Variants in ZNF565 observed in about 807,000 individuals in gnomAD.
ZNF565 encodes the protein zinc finger protein 565.
A neutral mutation model predicts 39.4 loss-of-function variants in ZNF565; 27 were observed. The observed-to-expected ratio is 0.69, with a 90% CI of 0.51 to 0.95. The LOEUF (loss-of-function observed/expected upper bound fraction) is 0.95. Ranked by LOEUF, ZNF565 falls within the 40% of genes least tolerant of loss-of-function variation. ZNF565 has a pLI of 0.00. For missense variants in ZNF565, 524 were observed against 621.1 expected, an observed-to-expected ratio of 0.84 and a Z score of 1.66; for synonymous variants, 185 against 216.6, an observed-to-expected ratio of 0.85 and a Z score of 1.28.
chr19:36,219,068 A>G (rs1013680334), upstream of ZNF565, among the ~76,000 whole-genome samples: 1 of 151,990 alleles, frequency 6.6e-6, no homozygotes, highest in Non-Finnish European at 1.5e-5. Flanking sequence ...TCGGCCTCCC[A>G]AAGTGCTGGG....
chr19:36,236,273 C>T, intron 1 of ZNF565: 1 of 796,860 alleles, frequency 1.3e-6, no homozygotes, highest in South Asian at 2.2e-5. Flanking sequence ...AGTATGATAA[C>T]ATTTCCTCTC....
chr19:36,194,619 G>A (rs2145323896), intron 3 of ZNF565: 1 of 468,746 alleles, frequency 2.1e-6, no homozygotes, highest in African/African-American at 1.9e-5. Flanking sequence ...AATGTGTGGT[G>A]ATCACTCTCC....
upstream of ZNF565, among the ~76,000 whole-genome samples, chr19:36,218,536 G>T (rs1450380226): frequency 6.6e-6 from 1 of 151,776 alleles, no homozygotes; most frequent in Non-Finnish European, 1.5e-5. Context: ...CCTGATCTCG[G>T]CTCACTGCAG....
chr19:36,197,396 C>T (rs746704313), intron 2 of ZNF565, among the ~76,000 whole-genome samples: 13 of 151,978 alleles, frequency 8.6e-5, no homozygotes, highest in Admixed American at 5.3e-4. Context: ...CGCTTGAACC[C>T]GCGAGGTGGA....
chr19:36,198,723 A>G (rs1016146501), intron 2 of ZNF565, among the ~76,000 whole-genome samples: 12 of 151,716 alleles, frequency 7.9e-5, no homozygotes. Context: ...CTCAGTCTCC[A>G]GAGTAGCTGG....
At chr19:36,235,081 C>T (rs904020072) in intron 1 of ZNF565, among the ~76,000 whole-genome samples, 5 of 151,872 alleles carry the variant, frequency 3.3e-5, no homozygotes, top group Non-Finnish European at 7.4e-5. Context: ...TGGTGGTGCA[C>T]ACCTGTAATC....
intron 1 of ZNF565, among the ~76,000 whole-genome samples, chr19:36,221,927 CTTTTTTTTTT>C (rs60347994): frequency 5.5e-5 from 6 of 109,906 alleles, no homozygotes; most frequent in South Asian, 3.1e-4. Context: ...TTTTTTCTTT[CTTTTTTTTTT>C]TTTTTTTTTT....
chr19:36,195,939 A>ATTT (rs112487353), intron 2 of ZNF565, among the ~76,000 whole-genome samples: 3 of 141,502 alleles, frequency 2.1e-5, no homozygotes, highest in African/African-American at 2.6e-5. Flanking sequence ...AAGATGAAGA[A>ATTT]TTTTTTTTTT....
intron 1 of ZNF565, chr19:36,236,463 G>T (rs2070132): frequency 1.9e-6 from 3 of 1,607,686 alleles, no homozygotes; most frequent in Non-Finnish European, 2.5e-6. Context: ...AGCCAGCAGA[G>T]AATTTACAGT....
At chr19:36,222,283 A>G (rs1976880933) in intron 1 of ZNF565, among the ~76,000 whole-genome samples, 1 of 152,188 alleles carries the variant, frequency 6.6e-6, no homozygotes, top group African/African-American at 2.4e-5. Context: ...TGCTGTATAA[A>G]TAAGATGTCA....
intron 1 of ZNF565, among the ~76,000 whole-genome samples, chr19:36,233,805 C>G (rs1226754587): frequency 6.6e-6 from 1 of 152,210 alleles, no homozygotes; most frequent in Non-Finnish European, 1.5e-5. Context: ...CAGCTTTACA[C>G]GGAGACATTC....
At chr19:36,197,508 G>A (rs1488558096) in intron 2 of ZNF565, among the ~76,000 whole-genome samples, 3 of 150,332 alleles carry the variant, frequency 2.0e-5, no homozygotes, top group Non-Finnish European at 4.4e-5. Context: ...AATGAAAGAA[G>A]GAAGAGAGAA....
At chr19:36,208,315 C>G (rs1976233337) in intron 1 of ZNF565, among the ~76,000 whole-genome samples, 2 of 151,584 alleles carry the variant, frequency 1.3e-5, no homozygotes, top group Admixed American at 1.3e-4. Flanking sequence ...GATTCTCCCA[C>G]TTCAGCCTCC....
In ZNF565 at chr19:36,211,999, T is replaced by C. The variant is rs139007906; in HGVS notation, c.-66+2623A>G. On this transcript the variant is annotated intron_variant, in intron 1 of 4. Coordinates refer to ENST00000304116, the MANE Select transcript of ZNF565 (RefSeq NM_152477.5). ...TTCTTCACAAGACATGTATCAATTATAATGGGAAAAACAGTGACTTTGCAG... is the reference window on the plus strand; with the variant it reads ...TTCTTCACAAGACATGTATCAATTACAATGGGAAAAACAGTGACTTTGCAG... Among the ~76,000 whole-genome samples, 38 of 152,264 alleles carry C rather than the reference T, an allele frequency of 2.5e-4. 1 individual carries two copies. The East Asian group carries it at 7.3e-3, about 29-fold the overall frequency.
At chr19:36,189,683 T>G (rs1975455397) in intron 4 of ZNF565, among the ~76,000 whole-genome samples, 1 of 152,136 alleles carries the variant, frequency 6.6e-6, no homozygotes, top group Admixed American at 6.6e-5. Flanking sequence ...GATTATTATT[T>G]TTCAGAACTG....
intron 1 of ZNF565, among the ~76,000 whole-genome samples, chr19:36,233,464 C>G (rs2972542): frequency 0.37 from 56,879 of 151,770 alleles, 10,837 homozygotes; most frequent in South Asian, 0.49. Context: ...AAAAATGGGC[C>G]CAGGGGACCG....
Position 36,183,211 on chromosome 19 carries a change from T to A in ZNF565, c.755A>T (p.Glu252Val). The part of the protein sequence containing the change: ...QRLHTGVKPY[E>V]CKECGKTFRQ... ...AAAGGTCTTCCCACATTCTTTACAT[T>A]CATAAGGTTTGACACCAGTATGAAG... is the stretch of plus-strand genomic sequence containing the variant. The change falls in exon 5 of 5, where the codon GAA becomes GTA. Residue 252 changes from glutamate (E) to valine (V), a missense_variant. Coordinates refer to ENST00000304116, the MANE Select transcript of ZNF565 (RefSeq NM_152477.5). 6.2e-7 allele frequency: 1 copy of A among 1,614,066 alleles called. No individual in the cohort carries two copies. The highest frequency in any genetic ancestry group is 8.5e-7 in the Non-Finnish European group (1 of 1,180,022).
intron 1 of ZNF565, among the ~76,000 whole-genome samples, chr19:36,241,244 G>A (rs543112488): frequency 6.6e-6 from 1 of 152,066 alleles, no homozygotes; most frequent in South Asian, 2.1e-4. Flanking sequence ...CCAGCACTTT[G>A]GGAGGCCAAG....
intron 1 of ZNF565, among the ~76,000 whole-genome samples, chr19:36,211,769 G>C (rs1484183560): frequency 6.6e-6 from 1 of 151,632 alleles, no homozygotes; most frequent in Non-Finnish European, 1.5e-5. Context: ...CTCCAGCCTG[G>C]GTGACAGAGC....
Sources: allele counts gnomAD v4.1 joint callset (sites outside exome capture counted in the v4.1 genomes callset), GRCh38; gene constraint gnomAD v4.1.1; transcripts MANE v1.5; gene names NCBI Gene and HGNC (gene_info 2026-07-23, HGNC 2026-07-21).